The following GMDS variants were observed in gnomAD, a reference collection of about 807,000 sequenced individuals.
GMDS encodes GDP-mannose 4,6 dehydratase.
Under a neutral mutation model 49.9 loss-of-function variants are expected in GMDS, and 20 were observed. The ratio of observed to expected loss-of-function variants is 0.40; its 90% confidence interval spans 0.28 to 0.58. The LOEUF (loss-of-function observed/expected upper bound fraction) is 0.58, where lower values mean the gene tolerates loss of function less well. GMDS is among the 20% of genes least tolerant of loss of function. The pLI, the probability that GMDS is intolerant of heterozygous loss-of-function variation, is 0.42. For missense variants in GMDS, 362 were observed against 481.4 expected, an observed-to-expected ratio of 0.75 and a Z score of 2.32; for synonymous variants, 177 against 178.6, an observed-to-expected ratio of 0.99 and a Z score of 0.07.
chr6:1,766,122 A>G lies in GMDS; in HGVS notation c.772-23536T>C, dbSNP rs982878463. On this transcript the variant is annotated intron_variant, in intron 7 of 10. Transcript: ENST00000380815. The surrounding 1 kb of genome is among the most constrained non-coding windows in gnomAD (Gnocchi z 4.5). ...GGAGGGTGGGTATGTGAAGCTCAGG[A>G]TGATTCATGGATTCGCTGCCCGTCT... Among the ~76,000 whole-genome samples the G allele has an allele frequency of 3.3e-5, 5 of 152,184 alleles. No homozygotes were observed. The highest frequency in any genetic ancestry group is 5.9e-5 in the Non-Finnish European group (4 of 68,036).
intron 4 of GMDS, among the ~76,000 whole-genome samples, chr6:2,098,565 C>T (rs898780042): frequency 5.3e-5 from 8 of 152,226 alleles, no homozygotes; most frequent in East Asian, 1.9e-4. Context: ...AATTTTTATA[C>T]GCTTAGTTGA....
At chr6:1,789,584 G>A (rs1226400795) in intron 7 of GMDS, among the ~76,000 whole-genome samples, 1 of 146,402 alleles carries the variant, frequency 6.8e-6, no homozygotes. Flanking sequence ...TACCCAGGCT[G>A]GAGCACAGTG....
At chr6:2,236,228 G>A (rs889412563) in intron 1 of GMDS, among the ~76,000 whole-genome samples, 12 of 152,164 alleles carry the variant, frequency 7.9e-5, no homozygotes, top group Non-Finnish European at 1.8e-4. Flanking sequence ...CCCAGCCACC[G>A]TGTTACCCAC....
In GMDS at chr6:2,097,894, G is replaced by A. The variant is rs540115199; in HGVS notation, c.345+17877C>T. On this transcript the variant is annotated intron_variant, in intron 4 of 10. Transcript: ENST00000380815. ...TACCATTAAATAGAATTTATTTGCA[G>A]GTACTTTCTAAATTTAGTACGACTA... Among the ~76,000 whole-genome samples, 64 of 149,178 alleles carry A rather than the reference G, an allele frequency of 4.3e-4. No individual in the cohort carries two copies. In the South Asian group the frequency reaches 9.2e-3, roughly 21 times the overall value.
intron 1 of GMDS, among the ~76,000 whole-genome samples, chr6:2,185,717 C>A (rs1337668787): frequency 6.6e-6 from 1 of 152,124 alleles, no homozygotes; most frequent in East Asian, 1.9e-4. Context: ...ACCCTAGGGC[C>A]AAGATAATGT....
chr6:1,859,231 C>T (rs539090396), intron 7 of GMDS, among the ~76,000 whole-genome samples: 1 of 152,284 alleles, frequency 6.6e-6, no homozygotes, highest in East Asian at 1.9e-4. Flanking sequence ...ACGTGGAACC[C>T]TGGTGCTACT....
In GMDS at chr6:1,742,559, C is replaced by G. The variant is rs146652291; in HGVS notation, c.799G>C (p.Glu267Gln). 3 of 1,607,080 alleles carry G rather than the reference C, an allele frequency of 1.9e-6. No individual in the cohort carries two copies. The highest frequency in any genetic ancestry group is 1.7e-5 in the Admixed American group (1 of 59,974). Residue 267 changes from glutamate (E) to glutamine (Q), a missense_variant, in exon 8 of 11, where the codon GAG (glutamate) becomes CAG (glutamine). Physicochemically the swap from Glu to Gln is conservative, Grantham distance 29. Transcript: ENST00000380815. ...EAMWLMLQND[E>Q]PEDFVIATGE... Reference sequence around the variant, plus strand: ...GTAGCTATAACGAAGTCCTCCGGCTCATCATTCTGCAACATCAACCACATA... The same window carrying G: ...GTAGCTATAACGAAGTCCTCCGGCTGATCATTCTGCAACATCAACCACATA...
intron 8 of GMDS, among the ~76,000 whole-genome samples, chr6:1,738,280 G>C (rs1767127658): frequency 6.6e-6 from 1 of 152,214 alleles, no homozygotes; most frequent in African/African-American, 2.4e-5. Flanking sequence ...GACTGTGTAA[G>C]AATTTAAAAC....
intron 4 of GMDS, among the ~76,000 whole-genome samples, chr6:2,009,457 T>C (rs184564243): frequency 1.3e-5 from 2 of 152,306 alleles, no homozygotes; most frequent in Admixed American, 6.5e-5. Context: ...GGTCCTGTAA[T>C]TGCTGTCAAA....
intron 9 of GMDS, among the ~76,000 whole-genome samples, chr6:1,724,710 AGTCAAAT>A (rs1395425305): frequency 6.6e-6 from 1 of 152,182 alleles, no homozygotes; most frequent in Non-Finnish European, 1.5e-5. Flanking sequence ...CAGGCCAGAG[AGTCAAAT>A]GGCAGCACAG....
At chr6:1,978,176 C>A (rs560243278) in intron 4 of GMDS, among the ~76,000 whole-genome samples, 18 of 152,190 alleles carry the variant, frequency 1.2e-4, no homozygotes, top group Non-Finnish European at 1.9e-4. Context: ...AGGGTCCCAA[C>A]GAGGAAGGGT....
chr6:2,229,408 C>CAAAAAA (rs1210456971), intron 1 of GMDS, among the ~76,000 whole-genome samples: 1 of 89,272 alleles, frequency 1.1e-5, no homozygotes, highest in Non-Finnish European at 2.5e-5. Context: ...CCTGTTTCTA[C>CAAAAAA]AAAAAAAAAA....
In GMDS at chr6:1,778,181, C is replaced by A. The variant is rs372832355; in HGVS notation, c.772-35595G>T. Among the ~76,000 whole-genome samples the A allele has an allele frequency of 6.6e-6, 1 of 152,150 alleles. No homozygotes were observed. Among genetic ancestry groups the A allele is most frequent in the Non-Finnish European group, 1.5e-5 (1 of 68,032 alleles). ...TTAGACTGGCCTTCTCAACACCTCA[C>A]GAAAAGCGCCCTTGGGTCTCATTTT... On this transcript the variant is annotated intron_variant, in intron 7 of 10. Transcript: ENST00000380815. The surrounding 1 kb of genome is among the most constrained non-coding windows in gnomAD (Gnocchi z 4.6).
chr6:2,237,946 TG>T (rs747462754), intron 1 of GMDS, among the ~76,000 whole-genome samples: 3 of 151,854 alleles, frequency 2.0e-5, no homozygotes, highest in Non-Finnish European at 2.9e-5. Flanking sequence ...AAAGGGAAAG[TG>T]TTAATTTTCA....
intron 1 of GMDS, among the ~76,000 whole-genome samples, chr6:2,193,787 G>A (rs369071757): frequency 5.4e-4 from 79 of 144,956 alleles, no homozygotes; most frequent in Middle Eastern, 7.1e-3. Flanking sequence ...GCAGTGGCGC[G>A]ATCTCGGCTC....
intron 1 of GMDS, among the ~76,000 whole-genome samples, chr6:2,145,516 C>T (rs903672971): frequency 2.1e-4 from 32 of 149,970 alleles, no homozygotes; most frequent in African/African-American, 5.4e-4. Context: ...CCAACCTGGG[C>T]GACAGAGTGA....
At chr6:1,817,103 T>G (rs1770703477) in intron 7 of GMDS, among the ~76,000 whole-genome samples, 1 of 129,362 alleles carries the variant, frequency 7.7e-6, no homozygotes, top group South Asian at 2.6e-4. Flanking sequence ...AATACATTGC[T>G]CCTTTACACA....
intron 9 of GMDS, among the ~76,000 whole-genome samples, chr6:1,664,581 C>T (rs1307502313): frequency 6.6e-6 from 1 of 152,168 alleles, no homozygotes; most frequent in East Asian, 1.9e-4. Context: ...CATAACGAAG[C>T]TGAAAGCAAT....
At chr6:1,710,903 G>A (rs1346851650) in intron 9 of GMDS, among the ~76,000 whole-genome samples, 1 of 152,184 alleles carries the variant, frequency 6.6e-6, no homozygotes, top group Non-Finnish European at 1.5e-5. Context: ...CATATCGTCA[G>A]AAATTATACC....
Sources: gnomAD v4.1 joint callset for allele counts (sites outside exome capture counted in the v4.1 genomes callset) on GRCh38, gnomAD v4.1.1 for gene constraint, Gnocchi (gnomAD v3.1) non-coding constraint, MANE v1.5 for transcripts, NCBI Gene and HGNC (gene_info 2026-07-23, HGNC 2026-07-21) for gene names.